AGBL1: variants seen among roughly 807,000 people sequenced by gnomAD.
The protein encoded by AGBL1 is AGBL carboxypeptidase 1, also known as cytosolic carboxypeptidase 4.
A neutral mutation model predicts 118.9 loss-of-function variants in AGBL1; 130 were observed. That is an observed-to-expected ratio of 1.09 (90% CI 0.95 to 1.26). The LOEUF (loss-of-function observed/expected upper bound fraction) is 1.26, where lower values mean the gene tolerates loss of function less well. Ranked by LOEUF, AGBL1 falls within the 50% of genes most tolerant of loss-of-function variation. AGBL1 has a pLI of 0.00. For synonymous variants in AGBL1, 555 were observed against 478.9 expected (o/e 1.16, Z -2.08); for missense variants, 1,584 against 1,298.1 (o/e 1.22, Z -3.38).
chr15:86,128,174 A>G (rs1445787907), intron 1 of AGBL1, among the ~76,000 whole-genome samples: 3 of 152,194 alleles, frequency 2.0e-5, no homozygotes, highest in Non-Finnish European at 1.5e-5. Context: ...AAGAGGATTA[A>G]TGGACTCACA....
At chr15:86,891,296 G>T (rs1447628580) in intron 22 of AGBL1, among the ~76,000 whole-genome samples, 2 of 152,014 alleles carry the variant, frequency 1.3e-5, no homozygotes, top group Non-Finnish European at 2.9e-5. Flanking sequence ...TGGATGCTTT[G>T]ATTTCTTTTC....
chr15:86,256,949 G>GCCAGCA lies in AGBL1; in HGVS notation c.833_838dup (p.Ser279_Ser280insThrSer). ...TACGAGTCCACTTCCCTTGGTCACA[G>GCCAGCA]CCAGCAGTGCCTATGCCTTCCCGGT... On this transcript the variant is annotated inframe_insertion, in exon 8 of 23. Transcript: ENST00000614907. The GCCAGCA allele has an allele frequency of 6.2e-7, 1 of 1,613,952 alleles. No individual in the cohort carries two copies. Among genetic ancestry groups the GCCAGCA allele is most frequent in the Non-Finnish European group, 8.5e-7 (1 of 1,179,882 alleles).
chr15:86,484,694 A>T (rs1160261798), intron 18 of AGBL1, among the ~76,000 whole-genome samples: 1 of 152,122 alleles, frequency 6.6e-6, no homozygotes, highest in Non-Finnish European at 1.5e-5. Context: ...AGAGCCTATT[A>T]TCAATTGATT....
intron 23 of AGBL1, among the ~76,000 whole-genome samples, chr15:86,924,829 A>T (rs1194417105): frequency 6.6e-6 from 1 of 152,066 alleles, no homozygotes; most frequent in African/African-American, 2.4e-5. Flanking sequence ...TAATCCCAGC[A>T]CTTTGGGAGG....
chr15:86,122,201 A>G (rs1401866446), intron 1 of AGBL1, among the ~76,000 whole-genome samples: 1 of 152,186 alleles, frequency 6.6e-6, no homozygotes, highest in African/African-American at 2.4e-5. Context: ...TGGTCACAGG[A>G]GGTTCTGACA....
At chr15:86,937,942 G>A (rs565744754) in intron 23 of AGBL1, among the ~76,000 whole-genome samples, 1 of 152,306 alleles carries the variant, frequency 6.6e-6, no homozygotes, top group South Asian at 2.1e-4. Flanking sequence ...TGCAAGAGGT[G>A]AGACCATACA....
At chr15:86,866,815 A>C (rs1259619793) in intron 22 of AGBL1, among the ~76,000 whole-genome samples, 1 of 152,158 alleles carries the variant, frequency 6.6e-6, no homozygotes, top group Non-Finnish European at 1.5e-5. Flanking sequence ...ACAGAGCAAG[A>C]CTCCATCTCA....
intron 21 of AGBL1, among the ~76,000 whole-genome samples, chr15:86,589,317 G>A (rs1399674860): frequency 6.6e-6 from 1 of 152,062 alleles, no homozygotes; most frequent in Non-Finnish European, 1.5e-5. Flanking sequence ...AGCAAGAGAG[G>A]GCTGACCACC....
chr15:86,119,037 A>G (rs1479316059), intron 1 of AGBL1, among the ~76,000 whole-genome samples: 1 of 152,210 alleles, frequency 6.6e-6, no homozygotes, highest in Admixed American at 6.5e-5. Flanking sequence ...GTAAGTGTCA[A>G]TACCAACATT....
intron 5 of AGBL1, among the ~76,000 whole-genome samples, chr15:86,205,084 G>A (rs1173575143): frequency 1.3e-5 from 2 of 152,270 alleles, no homozygotes; most frequent in East Asian, 3.9e-4. Context: ...CTGTCAAACA[G>A]GGCAGAACCT....
At chr15:86,476,696 T>C (rs9672436) in intron 18 of AGBL1, among the ~76,000 whole-genome samples, 3,283 of 152,074 alleles carry the variant, frequency 0.022, 123 homozygotes, top group African/African-American at 0.073. Flanking sequence ...AACAAGGATA[T>C]CCAGGAATTG....
chr15:86,817,238 C>T (rs948617202), intron 22 of AGBL1, among the ~76,000 whole-genome samples: 1 of 150,778 alleles, frequency 6.6e-6, no homozygotes, highest in African/African-American at 2.4e-5. Context: ...GTTGCAGTGA[C>T]CCAAGATAGT....
chr15:86,233,790 G>A (rs549798959), intron 6 of AGBL1, among the ~76,000 whole-genome samples: 4 of 152,296 alleles, frequency 2.6e-5, no homozygotes, highest in Admixed American at 1.3e-4. Context: ...TAAATTCTGA[G>A]TCTCTTGGGA....
intron 19 of AGBL1, among the ~76,000 whole-genome samples, chr15:86,532,049 C>G (rs1046904057): frequency 6.6e-6 from 1 of 151,594 alleles, no homozygotes; most frequent in African/African-American, 2.4e-5. Context: ...AAAACTGGCA[C>G]AAGACAGGGA....
At chr15:86,131,898 C>T (rs1052971872) in intron 1 of AGBL1, among the ~76,000 whole-genome samples, 9 of 149,204 alleles carry the variant, frequency 6.0e-5, no homozygotes, top group East Asian at 2.0e-4. Flanking sequence ...GTTGAGGCTT[C>T]GGTGAGTTGT....
At chr15:86,669,400 A>G (rs1036594776) in intron 21 of AGBL1, among the ~76,000 whole-genome samples, 2 of 152,212 alleles carry the variant, frequency 1.3e-5, no homozygotes, top group Admixed American at 6.5e-5. Context: ...AAAATAAGAA[A>G]GTAAGGTTAA....
At chr15:86,686,117 T>A (rs1596368993) in intron 22 of AGBL1, among the ~76,000 whole-genome samples, 1 of 152,274 alleles carries the variant, frequency 6.6e-6, no homozygotes, top group Admixed American at 6.5e-5. Context: ...TGAAAGAAAC[T>A]TCTCCTCCCC....
intron 22 of AGBL1, among the ~76,000 whole-genome samples, chr15:86,715,827 G>A (rs1345720027): frequency 6.6e-6 from 1 of 152,148 alleles, no homozygotes; most frequent in Non-Finnish European, 1.5e-5. Context: ...GGGAGGCTGA[G>A]GCGGGCGGAT....
At chr15:86,580,125 TG>T (rs1359428667) in intron 21 of AGBL1, among the ~76,000 whole-genome samples, 1 of 152,212 alleles carries the variant, frequency 6.6e-6, no homozygotes, top group Non-Finnish European at 1.5e-5. Flanking sequence ...TGGAAGAGAA[TG>T]TGAAATTGCT....
Sources: gnomAD v4.1 joint callset for allele counts (sites outside exome capture counted in the v4.1 genomes callset) on GRCh38, gnomAD v4.1.1 for gene constraint, MANE v1.5 for transcripts, NCBI Gene and HGNC (gene_info 2026-07-23, HGNC 2026-07-21) for gene names.